GSDMD: variants seen among roughly 807,000 people sequenced by gnomAD.
GSDMD encodes the protein gasdermin D, also known as gasdermin-D.
In GSDMD, 46 loss-of-function variants were observed where a neutral mutation model predicts 46.7. That is an observed-to-expected ratio of 0.99 (90% CI 0.78 to 1.26). The LOEUF (loss-of-function observed/expected upper bound fraction) is 1.26. GSDMD is among the 50% of genes most tolerant of loss of function. The probability of loss-of-function intolerance (pLI) is 0.00; values close to 1 mark genes in which losing one functional copy is unlikely to be tolerated. For missense variants in GSDMD, 649 were observed against 638.8 expected, an observed-to-expected ratio of 1.02 and a Z score of -0.17; for synonymous variants, 307 against 283.1, an observed-to-expected ratio of 1.08 and a Z score of -0.85.
chr8:143,562,373 TGGC>T, intron 9 of GSDMD, 23 bp downstream of exon 9: 1 of 308,320 alleles, frequency 3.2e-6, no homozygotes, highest in Non-Finnish European at 5.7e-6. Flanking sequence ...TGGGGGCAGG[TGGC>T]GGGTGGGAGG....
In GSDMD at chr8:143,558,385, TCGCC is replaced by T; in HGVS notation, c.-70_-67del. Reference sequence around the variant, plus strand: ...AGCTCTGGGCACCTCCAGCTCCTGCTCGCCGGACGGCTCCCAGGGAGAGCAGACG... The same window carrying T: ...AGCTCTGGGCACCTCCAGCTCCTGCTGGACGGCTCCCAGGGAGAGCAGACG... On this transcript the variant is annotated 5_prime_UTR_variant, in exon 1 of 11. Transcript: ENST00000262580. The T allele has an allele frequency of 6.6e-7, 1 of 1,519,050 alleles. No individual in the cohort carries two copies. The highest frequency in any genetic ancestry group is 8.8e-7 in the Non-Finnish European group (1 of 1,140,038). The allele number at this position is 1,519,050 out of a possible 1,614,324, so 94.1% of individuals were successfully genotyped here. A position where few individuals can be genotyped will look rare whatever the true frequency, so the allele number is the denominator to read the frequency against.
At position 143,561,770 on chromosome 8, in the gene GSDMD, C is replaced by G; in HGVS notation, c.765C>G (p.Ala255=). 6.2e-7 allele frequency: 1 copy of G among 1,610,022 alleles called. No homozygotes were observed. Among genetic ancestry groups the G allele is most frequent in the Non-Finnish European group, 8.5e-7 (1 of 1,178,686 alleles). The change falls in exon 7 of 11, where the codon GCC becomes GCG. Residue 255 remains alanine, a synonymous_variant. Transcript: ENST00000262580. ...ACAAGCGTTCCACGAGCGAAGGCGC[C>G]TGGCCACAGCTGCCCTCTGGCCTCT... ...TGHKRSTSEG[A]WPQLPSGLSM...
At chr8:143,557,316 C>T (rs1248030899), upstream of GSDMD, among the ~76,000 whole-genome samples, 3 of 93,934 alleles carry the variant, frequency 3.2e-5, no homozygotes, top group South Asian at 3.6e-4. Context: ...GCCGCTATGG[C>T]GAAGGATGCT....
rs751529628 is a variant in GSDMD, at chr8:143,562,493, C to T, written c.1184C>T (p.Ser395Leu). ...AAGCTGCTGGCGGAGGCGCTGGAGT[C>T]GCAGACCCTGTTGGGGCCGCTCGAG... Reference protein sequence around the residue: ...QHKLLAEALESQTLLGPLELV... With the variant: ...QHKLLAEALELQTLLGPLELV... Residue 395 changes from serine (S) to leucine (L), a missense_variant, in exon 10 of 11, where the codon TCG becomes TTG. By Grantham distance (145) the Ser-to-Leu change is moderately radical. Coordinates refer to ENST00000262580, the MANE Select transcript of GSDMD (RefSeq NM_024736.7). 6 of 1,608,376 alleles carry T rather than the reference C, an allele frequency of 3.7e-6. No individual in the cohort carries two copies. The highest frequency in any genetic ancestry group is 2.7e-5 in the African/African-American group (2 of 74,892).
Position 143,562,132 on chromosome 8 carries a change from G to A in GSDMD, c.996+1G>A. The stretch of plus-strand genomic sequence containing the variant: ...GGCCCTGCGAGCCTTGGAGGAGGCG[G>A]TGAGCGGGGGAGGGTGCCCGGGGCA... On this transcript the variant is annotated splice_donor_variant, in intron 8 of 10. Coordinates refer to ENST00000262580, the MANE Select transcript of GSDMD (RefSeq NM_024736.7). LOFTEE classifies it high-confidence loss of function. 6.3e-7 allele frequency: 1 copy of A among 1,598,230 alleles called. No homozygotes were observed. The highest frequency in any genetic ancestry group is 8.5e-7 in the Non-Finnish European group (1 of 1,179,078).
chr8:143,562,291 C>G lies in GSDMD; in HGVS notation c.1079C>G (p.Ser360Cys). ...GAVLECLVLS[S>C]GMLVPELAIP... Reference sequence around the variant, plus strand: ...GTCCTGGAGTGCCTGGTGTTGTCCTCCGGAATGCTGGTGCCGGAACTCGCT... The same window carrying G: ...GTCCTGGAGTGCCTGGTGTTGTCCTGCGGAATGCTGGTGCCGGAACTCGCT... Residue 360 changes from serine to cysteine, a missense_variant, in exon 9 of 11, where the codon TCC (serine) becomes TGC (cysteine). Coordinates refer to ENST00000262580, the MANE Select transcript of GSDMD (RefSeq NM_024736.7). 1 of 1,555,580 alleles carries G rather than the reference C, an allele frequency of 6.4e-7. No individual in the cohort carries two copies.
Position 143,562,495 on chromosome 8 carries a change from C to T in GSDMD, c.1186C>T (p.Gln396Ter). 1 of 1,608,528 alleles carries T rather than the reference C, an allele frequency of 6.2e-7. No homozygotes were observed. ...GCTGCTGGCGGAGGCGCTGGAGTCG[C>T]AGACCCTGTTGGGGCCGCTCGAGCT... ...HKLLAEALES[Q>*]TLLGPLELVG... Residue 396 changes from glutamine (Q) to a stop codon, truncating the protein, a stop_gained, in exon 10 of 11, where the codon CAG becomes TAG. Transcript: ENST00000262580. LOFTEE classifies it low-confidence loss of function (END_TRUNC).
rs375764221 is a variant in GSDMD at position 143,559,355 on chromosome 8, G to A, written c.20G>A (p.Arg7Gln). The A allele has an allele frequency of 2.2e-4, 348 of 1,612,240 alleles. 2 individuals carry two copies. The South Asian group carries it at 2.7e-3, about 12-fold the overall frequency. Reference sequence around the variant, plus strand: ...AGGAGCATGGGGTCGGCCTTTGAGCGGGTAGTCCGGAGAGTGGTCCAGGAG... The same window carrying A: ...AGGAGCATGGGGTCGGCCTTTGAGCAGGTAGTCCGGAGAGTGGTCCAGGAG... MGSAFE[R>Q]VVRRVVQELD... The change falls in exon 2 of 11, where the codon CGG becomes CAG. Residue 7 changes from arginine (R) to glutamine (Q), a missense_variant. By Grantham distance (43) the Arg-to-Gln change is conservative. Transcript: ENST00000262580.
chr8:143,561,315 G>A (rs1823454853), intron 5 of GSDMD, 55 bp from the exon 6 acceptor site: 1 of 1,517,692 alleles, frequency 6.6e-7, no homozygotes, highest in Non-Finnish European at 9.0e-7. Context: ...GAGGGGAGGG[G>A]ATGCTGGGAT....
intron 2 of GSDMD, 85 bp from the exon 3 acceptor site, chr8:143,559,692 C>T (rs1823402069): frequency 9.6e-6 from 14 of 1,465,142 alleles, no homozygotes; most frequent in Non-Finnish European, 1.3e-5. Flanking sequence ...CCAAAGGTCC[C>T]TCTGCCCTGG....
chr8:143,554,297 G>A (rs1002007906), upstream of GSDMD, among the ~76,000 whole-genome samples: 12 of 152,250 alleles, frequency 7.9e-5, no homozygotes, highest in African/African-American at 2.9e-4. Context: ...ATCAACGAGC[G>A]GGAGCACATT....
chr8:143,556,690 G>A (rs1450473023), upstream of GSDMD, among the ~76,000 whole-genome samples: 1 of 152,240 alleles, frequency 6.6e-6, no homozygotes, highest in Non-Finnish European at 1.5e-5. Flanking sequence ...ACCGCGGAGC[G>A]GCTGGGAGGG....
Position 143,559,981 on chromosome 8 carries a change from GAGGGCAGGGC to G in GSDMD, c.410+23_410+32del. The G allele has an allele frequency of 2.5e-6, 4 of 1,588,498 alleles. No individual in the cohort carries two copies. Among genetic ancestry groups the G allele is most frequent in the African/African-American group, 1.3e-5 (1 of 74,224 alleles). On this transcript the variant is annotated intron_variant, in intron 3 of 10. Coordinates refer to ENST00000262580, the MANE Select transcript of GSDMD (RefSeq NM_024736.7). ...CTGCTCCATGAGAGGTGGGCCCGAA[GAGGGCAGGGC>G]AGGGCAGGGCCCCACCTACCCCAAG...
chr8:143,560,350 G>C (rs1406362332), intron 3 of GSDMD: 2 of 670,800 alleles, frequency 3.0e-6, no homozygotes, highest in Non-Finnish European at 5.4e-6. Flanking sequence ...GTGAGGACAA[G>C]GGGTGGTGTG....
intron 2 of GSDMD, 104 bp from the exon 3 acceptor site, chr8:143,559,673 G>A (rs533708856): frequency 3.1e-5 from 44 of 1,432,848 alleles, no homozygotes; most frequent in Middle Eastern, 2.1e-4. Flanking sequence ...TCCAGAGGCC[G>A]GGGCCTTTCC....
At chr8:143,559,280 T>TGACA in intron 1 of GSDMD, 52 bp from the exon 2 acceptor site, 1 of 579,428 alleles carries the variant, frequency 1.7e-6, no homozygotes, top group Admixed American at 2.7e-5. Flanking sequence ...CTTCTCCCAC[T>TGACA]CCCTCCCGCC....
At chr8:143,557,370 CCGCT>C, upstream of GSDMD, among the ~76,000 whole-genome samples, 1 of 101,792 alleles carries the variant, frequency 9.8e-6, no homozygotes, top group South Asian at 3.5e-4. Flanking sequence ...AAGGATGCTG[CCGCT>C]ATGGCGAAGG....
In GSDMD at chr8:143,559,977, C is replaced by CGAAGAG; in HGVS notation, c.410+10_410+15dup. 6.7e-7 allele frequency: 1 copy of CGAAGAG among 1,502,460 alleles called. No individual in the cohort carries two copies. The highest frequency in any genetic ancestry group is 1.3e-5 in the South Asian group (1 of 75,716). The allele number at this position is 1,502,460 out of a possible 1,614,324, so 93.1% of individuals were successfully genotyped here. On this transcript the variant is annotated intron_variant, in intron 3 of 10. Coordinates refer to ENST00000262580, the MANE Select transcript of GSDMD (RefSeq NM_024736.7). Reference sequence around the variant, plus strand: ...GACTCTGCTCCATGAGAGGTGGGCCCGAAGAGGGCAGGGCAGGGCAGGGCC... The same window carrying CGAAGAG: ...GACTCTGCTCCATGAGAGGTGGGCCCGAAGAGGAAGAGGGCAGGGCAGGGCAGGGCC...
chr8:143,557,418 T>C (rs2130560661), upstream of GSDMD, among the ~76,000 whole-genome samples: 1 of 152,238 alleles, frequency 6.6e-6, no homozygotes, highest in Non-Finnish European at 1.5e-5. Context: ...GCTGCCGCTG[T>C]GGCGAAGGAT....
Sources: allele counts gnomAD v4.1 joint callset (sites outside exome capture counted in the v4.1 genomes callset), GRCh38; gene constraint gnomAD v4.1.1; transcripts MANE v1.5; gene names NCBI Gene and HGNC (gene_info 2026-07-23, HGNC 2026-07-21).